The following APOOL variants were observed in gnomAD, a reference collection of about 807,000 sequenced individuals.
APOOL encodes MICOS complex subunit MIC27.
APOOL carries 12 observed loss-of-function variants against 23.1 expected under a neutral mutation model. The ratio of observed to expected loss-of-function variants is 0.52; its 90% CI spans 0.33 to 0.84. APOOL has a LOEUF of 0.84. Among genes scored for constraint, APOOL ranks in the 40% least tolerant of loss-of-function variants. The probability of loss-of-function intolerance (pLI) is 0.02; values close to 1 mark genes in which losing one functional copy is unlikely to be tolerated. For missense variants in APOOL, 212 were observed against 199.6 expected (o/e 1.06, Z -0.37); for synonymous variants, 77 against 69.9 (o/e 1.10, Z -0.51).
chrX:85,066,998 A>G (rs1602784014), intron 5 of APOOL, 129 bp from the exon 6 acceptor site: 3 of 413,197 alleles, frequency 7.3e-6, no homozygotes, highest in Non-Finnish European at 1.3e-5. Flanking sequence ...TGATTGGTAT[A>G]ATTACCTAAA....
intron 5 of APOOL, among the ~76,000 whole-genome samples, chrX:85,060,209 AG>A (rs1401059672): frequency 9.6e-6 from 1 of 104,077 alleles, no homozygotes; most frequent in Non-Finnish European, 2.0e-5. Context: ...ATTATTTCTG[AG>A]GGCTCTGTTC....
At chrX:85,034,923 A>G (rs1364776524) in intron 1 of APOOL, among the ~76,000 whole-genome samples, 1 of 112,032 alleles carries the variant, frequency 8.9e-6, no homozygotes, top group Non-Finnish European at 1.9e-5. Context: ...TGATGAACAC[A>G]TGAGTGCATG....
intron 8 of APOOL, among the ~76,000 whole-genome samples, chrX:85,084,404 G>A (rs146781933): frequency 0.022 from 2,433 of 109,911 alleles, 59 homozygotes; most frequent in African/African-American, 0.075. Flanking sequence ...CAAAGTGCTG[G>A]GATTACATGC....
Position 85,082,125 on chromosome X carries a change from T to G in APOOL, c.719-5465T>G, listed in dbSNP as rs1924125774. On this transcript the variant is annotated intron_variant, in intron 8 of 8. Coordinates refer to ENST00000373173, the MANE Select transcript of APOOL (RefSeq NM_198450.6). ...CAAAGTCATTCTCCATCCAGCTTTG[T>G]TCCATTGATGGCGAGGAGCTGTGAT... Among the ~76,000 whole-genome samples, 8 of 112,317 alleles carry G rather than the reference T, an allele frequency of 7.1e-5. No individual in the cohort carries two copies. The Admixed American group carries it at 7.6e-4, about 11-fold the overall frequency.
chrX:85,062,814 C>G (rs1422011849), intron 5 of APOOL, among the ~76,000 whole-genome samples: 1 of 111,402 alleles, frequency 9.0e-6, no homozygotes, highest in Non-Finnish European at 1.9e-5. Context: ...CAACTTTGTT[C>G]TTTTTTGCTT....
chrX:85,031,300 CTG>C (rs2147482983), intron 1 of APOOL, among the ~76,000 whole-genome samples: 1 of 111,460 alleles, frequency 9.0e-6, no homozygotes, highest in South Asian at 3.8e-4. Flanking sequence ...CTTAGATTCT[CTG>C]TGTGTACTGC....
At chrX:85,026,037 C>A (rs1056770008) in intron 1 of APOOL, among the ~76,000 whole-genome samples, 1 of 113,411 alleles carries the variant, frequency 8.8e-6, no homozygotes, top group African/African-American at 3.2e-5. Flanking sequence ...GCAGTAGGCT[C>A]CTGCCTCAGT....
intron 5 of APOOL, among the ~76,000 whole-genome samples, chrX:85,057,898 A>G (rs994018772): frequency 9.0e-6 from 1 of 110,749 alleles, no homozygotes; most frequent in Non-Finnish European, 1.9e-5. Context: ...ATTTCTCAGT[A>G]AAAAACTTAT....
chrX:85,086,344 G>A (rs1295915010), intron 8 of APOOL, among the ~76,000 whole-genome samples: 1 of 111,369 alleles, frequency 9.0e-6, no homozygotes, highest in Non-Finnish European at 1.9e-5. Context: ...AGACTCATTT[G>A]TACTCAGATG....
At chrX:85,017,493 C>G (rs1021904577) in intron 1 of APOOL, among the ~76,000 whole-genome samples, 11 of 111,804 alleles carry the variant, frequency 9.8e-5, no homozygotes, top group African/African-American at 3.2e-4. Context: ...TCAGTGATTC[C>G]TATGCTCGTA....
intron 1 of APOOL, among the ~76,000 whole-genome samples, chrX:85,035,281 C>A (rs891838184): frequency 6.3e-5 from 7 of 111,391 alleles, no homozygotes; most frequent in Non-Finnish European, 1.3e-4. Context: ...CTGTTCAGAT[C>A]TTTTCCCCAT....
chrX:85,082,268 G>T (rs1302898270), intron 8 of APOOL, among the ~76,000 whole-genome samples: 1 of 111,326 alleles, frequency 9.0e-6, no homozygotes, highest in East Asian at 2.8e-4. Flanking sequence ...TCTAGAGATG[G>T]GGTTTTGGTG....
intron 5 of APOOL, among the ~76,000 whole-genome samples, chrX:85,058,144 G>A (rs889330600): frequency 1.8e-5 from 2 of 111,100 alleles, no homozygotes; most frequent in Non-Finnish European, 3.8e-5. Context: ...TGTGTGCCAT[G>A]ATGGTTTTGT....
intron 2 of APOOL, among the ~76,000 whole-genome samples, chrX:85,047,764 C>G (rs1483145048): frequency 9.0e-6 from 1 of 111,201 alleles, no homozygotes; most frequent in Non-Finnish European, 1.9e-5. Flanking sequence ...CATCATTGTG[C>G]TTTTTATCTC....
Position 85,036,917 on chromosome X carries a change from A to AG in APOOL, c.16-9528dup, listed in dbSNP as rs751280889. Reference sequence around the variant, plus strand: ...ATTATGTCTTGCATCCTCATGTATTAGCTCTCCTCAAGCTTAGCTCTCATG... The same window carrying AG: ...ATTATGTCTTGCATCCTCATGTATTAGGCTCTCCTCAAGCTTAGCTCTCATG... On this transcript the variant is annotated intron_variant, in intron 1 of 8. Transcript: ENST00000373173. 6.3e-5 allele frequency among the ~76,000 whole-genome samples: 7 copies of AG among 110,640 alleles called. No individual in the cohort carries two copies. The East Asian group carries it at 2.0e-3, about 32-fold the overall frequency.
intron 5 of APOOL, among the ~76,000 whole-genome samples, chrX:85,061,791 G>GC (rs781416591): frequency 9.0e-6 from 1 of 111,254 alleles, no homozygotes; most frequent in African/African-American, 3.3e-5. Flanking sequence ...TATTAGTCTT[G>GC]CTAGCGGTCT....
intron 1 of APOOL, among the ~76,000 whole-genome samples, chrX:85,026,645 A>G (rs1921853711): frequency 8.9e-6 from 1 of 112,211 alleles, no homozygotes; most frequent in Non-Finnish European, 1.9e-5. Flanking sequence ...TTTGCTACTT[A>G]GAATTTTTTT....
intron 3 of APOOL, among the ~76,000 whole-genome samples, chrX:85,052,409 T>C (rs1467411156): frequency 1.8e-5 from 2 of 111,651 alleles, no homozygotes; most frequent in Non-Finnish European, 3.8e-5. Flanking sequence ...TAAACATCAT[T>C]GTGTTAGCAT....
chrX:85,039,205 G>A (rs777738996), intron 1 of APOOL, among the ~76,000 whole-genome samples: 1 of 108,160 alleles, frequency 9.2e-6, no homozygotes, highest in Non-Finnish European at 1.9e-5. Flanking sequence ...CCATGTAATT[G>A]TATGGTTTTG....
Sources: gnomAD v4.1 joint callset for allele counts (sites outside exome capture counted in the v4.1 genomes callset) on GRCh38, gnomAD v4.1.1 for gene constraint, MANE v1.5 for transcripts, NCBI Gene and HGNC (gene_info 2026-07-23, HGNC 2026-07-21) for gene names.